Variants in GAA observed in about 807,000 individuals in gnomAD.
GAA encodes lysosomal alpha-glucosidase.
Under a neutral mutation model 103.9 loss-of-function variants are expected in GAA, and 88 were observed. The observed-to-expected ratio is 0.85, with a 90% CI of 0.71 to 1.01. GAA has a LOEUF of 1.01. Among genes scored for constraint, GAA ranks in the 50% least tolerant of loss-of-function variants. GAA has a pLI of 0.00. For missense variants in GAA, 1,350 were observed against 1,305.3 expected, an observed-to-expected ratio of 1.03 and a Z score of -0.53; for synonymous variants, 572 against 563.1, an observed-to-expected ratio of 1.02 and a Z score of -0.22.
chr17:80,106,724 C>G (rs2039097370), intron 3 of GAA, among the ~76,000 whole-genome samples: 1 of 152,116 alleles, frequency 6.6e-6, no homozygotes. Context: ...TCAAGACCAT[C>G]CTGGGCAACA....
At chr17:80,107,456 C>A in intron 3 of GAA, 101 bp from the exon 4 acceptor site, 1 of 1,510,464 alleles carries the variant, frequency 6.6e-7, no homozygotes, top group Non-Finnish European at 9.1e-7. Context: ...CAGGCCACTC[C>A]GCCCTCCCAG....
Position 80,108,958 on chromosome 17 carries a change from G to A in GAA, c.1326+130G>A, listed in dbSNP as rs534476928. On this transcript the variant is annotated intron_variant, in intron 8 of 19. Transcript: ENST00000302262. ...GTTTTCTGAGGGTCTTTGTGATATC[G>A]AGGGAATATCAAGAAGTTTGCAGGC... 1.0e-4 allele frequency: 131 copies of A among 1,252,138 alleles called. No homozygotes were observed. The East Asian group carries it at 3.3e-3, about 32-fold the overall frequency. 77.6% of individuals were successfully genotyped at this position (1,252,138 alleles called of 1,614,324 possible).
At chr17:80,111,257 G>T (rs986617627) in intron 11 of GAA, among the ~76,000 whole-genome samples, 12 of 152,366 alleles carry the variant, frequency 7.9e-5, no homozygotes, top group African/African-American at 1.7e-4. Context: ...ACAGGTGCTT[G>T]CCAGAGCACA....
intron 3 of GAA, among the ~76,000 whole-genome samples, chr17:80,106,490 CCT>C (rs1490050219): frequency 1.5e-4 from 23 of 151,302 alleles, no homozygotes; most frequent in African/African-American, 4.6e-4. Flanking sequence ...GCAGGGGTGG[CCT>C]CTCTGGAAGC....
Position 80,108,685 on chromosome 17 carries a change from T to A in GAA, c.1195-12T>A. On this transcript the variant is annotated splice_polypyrimidine_tract_variant and intron_variant, in intron 7 of 19. Transcript: ENST00000302262. ...TCAGGCCCCAGCAGACGGTCCCGTGTTGTGGCTGCAGGACGTCCAGTGGAA... is the reference window on the plus strand; with the variant it reads ...TCAGGCCCCAGCAGACGGTCCCGTGATGTGGCTGCAGGACGTCCAGTGGAA... 1 of 1,612,710 alleles carries A rather than the reference T, an allele frequency of 6.2e-7. No individual in the cohort carries two copies. The highest frequency in any genetic ancestry group is 8.5e-7 in the Non-Finnish European group (1 of 1,179,958).
chr17:80,119,470 G>A lies in GAA; in HGVS notation c.*139G>A, dbSNP rs1801833202. ...TGGGCACTAACCATTCCAAGCCGCC[G>A]CATCGCTTGTTTCCACCTCCTGGGC... is the stretch of plus-strand genomic sequence containing the variant. On this transcript the variant is annotated 3_prime_UTR_variant, in exon 20 of 20. Coordinates refer to ENST00000302262, the MANE Select transcript of GAA (RefSeq NM_000152.5). The A allele has an allele frequency of 1.5e-5, 11 of 720,120 alleles. No individual in the cohort carries two copies. Among genetic ancestry groups the A allele is most frequent in the South Asian group, 1.2e-4 (8 of 67,864 alleles). The allele number at this position is 720,120 out of a possible 1,614,324, so 44.6% of individuals were successfully genotyped here. A position where few individuals can be genotyped will look rare whatever the true frequency, so the allele number is the denominator to read the frequency against.
intron 5 of GAA, 56 bp downstream of exon 5, chr17:80,107,952 T>C: frequency 2.0e-6 from 3 of 1,499,174 alleles, no homozygotes; most frequent in Non-Finnish European, 2.7e-6. Flanking sequence ...CTGCCTGCCC[T>C]GGAGACTGGA....
chr17:80,119,484 C>T lies in GAA; in HGVS notation c.*153C>T. ...TCCAAGCCGCCGCATCGCTTGTTTC[C>T]ACCTCCTGGGCCGGGGCTCTGGCCC... On this transcript the variant is annotated 3_prime_UTR_variant, in exon 20 of 20. Coordinates refer to ENST00000302262, the MANE Select transcript of GAA (RefSeq NM_000152.5). 2.8e-6 allele frequency: 2 copies of T among 715,258 alleles called. No individual in the cohort carries two copies. The highest frequency in any genetic ancestry group is 5.0e-6 in the Non-Finnish European group (2 of 398,116). 44.3% of individuals were successfully genotyped at this position (715,258 alleles called of 1,614,324 possible). A position where few individuals can be genotyped will look rare whatever the true frequency, so the allele number is the denominator to read the frequency against.
Position 80,119,649 on chromosome 17 carries a change from A to C in GAA, c.*318A>C. The C allele has an allele frequency of 7.9e-6, 3 of 378,924 alleles. No individual in the cohort carries two copies. Among genetic ancestry groups the C allele is most frequent in the Non-Finnish European group, 1.0e-5 (2 of 196,296 alleles). 23.5% of individuals were successfully genotyped at this position (378,924 alleles called of 1,614,324 possible). ...CGGGTAGTATTAGCCACCCCCCTCC[A>C]TCTGTTCCCAGCACCGGAGAAGGGG... On this transcript the variant is annotated 3_prime_UTR_variant, in exon 20 of 20. Coordinates refer to ENST00000302262, the MANE Select transcript of GAA (RefSeq NM_000152.5).
rs1388143484 is a variant in GAA, at chr17:80,117,701, G to C, written c.2433G>C (p.Leu811=). Residue 811 remains leucine (L), a synonymous_variant, in exon 17 of 20, where the codon CTG becomes CTC. Coordinates refer to ENST00000302262, the MANE Select transcript of GAA (RefSeq NM_000152.5). ...EGQWVTLPAP[L]DTINVHLRAG... is the part of the protein sequence containing the mutation. The stretch of plus-strand genomic sequence containing the variant: ...AGTGGGTGACGCTGCCGGCCCCCCT[G>C]GACACCATCAACGTCCACCTCCGGG... The C allele has an allele frequency of 9.3e-6, 15 of 1,612,342 alleles. No individual in the cohort carries two copies. The highest frequency in any genetic ancestry group is 1.2e-5 in the Non-Finnish European group (14 of 1,179,882).
In GAA at chr17:80,107,589, C is replaced by T. The variant is rs745861849; in HGVS notation, c.725C>T (p.Ala242Val). Residue 242 changes from alanine to valine, a missense_variant, in exon 4 of 20, where the codon GCG (alanine) becomes GTG (valine). Transcript: ENST00000302262. ...LNTTVAPLFFADQFLQLSTSL... is the reference protein window; with the variant it reads ...LNTTVAPLFFVDQFLQLSTSL... ...ACGACGGTGGCGCCCCTGTTCTTTG[C>T]GGACCAGTTCCTTCAGCTGTCCACC... 70 of 1,613,026 alleles carry T rather than the reference C, an allele frequency of 4.3e-5. No individual in the cohort carries two copies. The highest frequency in any genetic ancestry group is 2.0e-4 in the Admixed American group (12 of 60,002).
Position 80,109,705 on chromosome 17 carries a change from AAAAGGT to A in GAA, c.1327-229_1327-224del, listed in dbSNP as rs11277442. Among the ~76,000 whole-genome samples the A allele has an allele frequency of 0.65, 99,368 of 151,800 alleles. 33,358 individuals carry two copies. Among genetic ancestry groups the A allele is most frequent in the Middle Eastern group, 0.85 (250 of 294 alleles). On this transcript the variant is annotated intron_variant, in intron 8 of 19. Transcript: ENST00000302262. The stretch of plus-strand genomic sequence containing the variant: ...CTTGGGAAACTCTAGAGGTTTAAAG[AAAAGGT>A]AAAGGTAAAGCTTCCATTCCGGCGC...
chr17:80,108,857 G>C, intron 8 of GAA, 29 bp downstream of exon 8: 4 of 1,566,990 alleles, frequency 2.6e-6, no homozygotes, highest in Non-Finnish European at 3.5e-6. Flanking sequence ...TGGGTCTTTG[G>C]GAAGGGGGCC....
rs890806224 is a variant in GAA at position 80,112,862 on chromosome 17, C to T, written c.1889-14C>T. The stretch of plus-strand genomic sequence containing the variant: ...TGCAGCAGCCTGAGGACCAGCCTGA[C>T]TCTGCCCTCCCAGAAATCCTGCAGT... On this transcript the variant is annotated splice_polypyrimidine_tract_variant and intron_variant, in intron 13 of 19. Transcript: ENST00000302262. 1.9e-6 allele frequency: 3 copies of T among 1,603,970 alleles called. No individual in the cohort carries two copies. The highest frequency in any genetic ancestry group is 1.3e-5 in the African/African-American group (1 of 74,834).
intron 2 of GAA, 152 bp from the exon 3 acceptor site, chr17:80,105,597 G>T: frequency 1.1e-6 from 1 of 888,318 alleles, no homozygotes. Context: ...CTGCAGATGA[G>T]GGAGCCGAGG....
At chr17:80,113,171 G>A (rs771835917) in intron 14 of GAA, 47 bp from the exon 15 acceptor site, 19 of 1,553,406 alleles carry the variant, frequency 1.2e-5, no homozygotes, top group East Asian at 9.5e-5. Flanking sequence ...CCAGGGGACC[G>A]CGGCCCCAGC....
chr17:80,116,676 A>T (rs1365070672), intron 15 of GAA: 4 of 485,412 alleles, frequency 8.2e-6, no homozygotes, highest in African/African-American at 7.8e-5. Flanking sequence ...TAAGTGAGCG[A>T]GCAAAGTGAG....
At position 80,108,370 on chromosome 17, in the gene GAA, G is replaced by C. The variant is rs1267253122; in HGVS notation, c.1036G>C (p.Glu346Gln). The C allele has an allele frequency of 1.2e-6, 2 of 1,613,574 alleles. No individual in the cohort carries two copies. The highest frequency in any genetic ancestry group is 2.7e-5 in the African/African-American group (2 of 75,060). ...ILDVYIFLGP[E>Q]PKSVVQQYLD... ...GGATGTCTACATCTTCCTGGGCCCA[G>C]AGCCCAAGAGCGTGGTGCAGCAGTA... The change falls in exon 6 of 20, where the codon GAG (glutamate) becomes CAG (glutamine). Residue 346 changes from glutamate (E) to glutamine (Q), a missense_variant. Transcript: ENST00000302262.
rs1300812295 is a variant in GAA at position 80,101,641 on chromosome 17, G to T, written c.-282G>T. The T allele has an allele frequency of 5.9e-5, 9 of 151,552 alleles. No individual in the cohort carries two copies. Among genetic ancestry groups the T allele is most frequent in the Non-Finnish European group, 1.3e-4 (9 of 67,854 alleles). 9.4% of individuals were successfully genotyped at this position (151,552 alleles called of 1,614,324 possible). On this transcript the variant is annotated 5_prime_UTR_variant, in exon 1 of 20. Coordinates refer to ENST00000302262, the MANE Select transcript of GAA (RefSeq NM_000152.5). Reference sequence around the variant, plus strand: ...GTGCGCGGAGGTGAGCCGGGCCGGGGCTGCGGGGCTTCCCTGAGCGCGGGC... The same window carrying T: ...GTGCGCGGAGGTGAGCCGGGCCGGGTCTGCGGGGCTTCCCTGAGCGCGGGC...
Sources: gnomAD v4.1 joint callset for allele counts (sites outside exome capture counted in the v4.1 genomes callset) on GRCh38, gnomAD v4.1.1 for gene constraint, MANE v1.5 for transcripts, NCBI Gene and HGNC (gene_info 2026-07-23, HGNC 2026-07-21) for gene names.